The following KCNQ2 variants were observed in gnomAD, a reference collection of about 807,000 sequenced individuals.
KCNQ2 encodes the protein potassium voltage-gated channel subfamily Q member 2, also known as potassium voltage-gated channel subfamily KQT member 2.
KCNQ2 carries 14 observed loss-of-function variants against 84.8 expected under a neutral mutation model. The observed-to-expected ratio is 0.17, with a 90% CI of 0.11 to 0.26. KCNQ2 has a LOEUF of 0.26. Ranked by LOEUF, KCNQ2 falls within the 10% of genes least tolerant of loss-of-function variation. KCNQ2 has a pLI of 1.00. For missense variants in KCNQ2, 788 were observed against 1,254.0 expected (o/e 0.63, Z 5.61); for synonymous variants, 599 against 554.1 (o/e 1.08, Z -1.14).
At chr20:63,431,470 G>A (rs2080785874) in intron 8 of KCNQ2, 101 bp from the exon 9 acceptor site, 4 of 1,320,090 alleles carry the variant, frequency 3.0e-6, no homozygotes, top group African/African-American at 2.9e-5. Context: ...GGAAAGTAGG[G>A]GAAACAACAG....
At chr20:63,469,305 A>T (rs967792518) in intron 1 of KCNQ2, among the ~76,000 whole-genome samples, 1 of 152,212 alleles carries the variant, frequency 6.6e-6, no homozygotes, top group Non-Finnish European at 1.5e-5. Flanking sequence ...CCAGGCAGAG[A>T]GCAGGTCTGA....
At chr20:63,416,214 T>C (rs1042271014) in intron 12 of KCNQ2, among the ~76,000 whole-genome samples, 8 of 152,104 alleles carry the variant, frequency 5.3e-5, no homozygotes, top group Non-Finnish European at 7.4e-5. Context: ...CCCCTCGGCC[T>C]GCGAGGCGTG....
In KCNQ2 at chr20:63,413,689, C is replaced by G; in HGVS notation, c.1632-108G>C. ...ACCTCGGCGCCTGGAGATGGCTGGA[C>G]TTGCCCCTCTTGTCTGCCGCCCACC... is the stretch of plus-strand genomic sequence containing the variant. On this transcript the variant is annotated intron_variant, in intron 14 of 16. Coordinates refer to ENST00000359125, the MANE Select transcript of KCNQ2 (RefSeq NM_172107.4). The G allele has an allele frequency of 1.6e-6, 2 of 1,266,328 alleles. 1 individual carries two copies. Among genetic ancestry groups the G allele is most frequent in the South Asian group, 2.5e-5 (2 of 80,998 alleles). 78.4% of individuals were successfully genotyped at this position (1,266,328 alleles called of 1,614,324 possible).
intron 3 of KCNQ2, 99 bp from the exon 4 acceptor site, chr20:63,444,933 G>C: frequency 7.5e-7 from 1 of 1,328,232 alleles, no homozygotes; most frequent in South Asian, 1.5e-5. Flanking sequence ...GTGCAGAGGG[G>C]CGGGAAGGTG....
At chr20:63,412,799 T>G (rs2080160313) in intron 15 of KCNQ2, among the ~76,000 whole-genome samples, 1 of 152,192 alleles carries the variant, frequency 6.6e-6, no homozygotes, top group African/African-American at 2.4e-5. Flanking sequence ...TGTCCCCTAC[T>G]GCAGGAGAGA....
intron 15 of KCNQ2, among the ~76,000 whole-genome samples, chr20:63,411,313 A>C (rs1290353450): frequency 6.6e-6 from 1 of 152,142 alleles, no homozygotes; most frequent in Non-Finnish European, 1.5e-5. Flanking sequence ...TGGGCCGTGC[A>C]CGTGGCCAGG....
rs2145736709 is a variant in KCNQ2 at position 63,442,523 on chromosome 20, G to A, written c.699C>T (p.Val233=). 1 of 1,613,226 alleles carries A rather than the reference G, an allele frequency of 6.2e-7. No individual in the cohort carries two copies. The highest frequency in any genetic ancestry group is 8.5e-7 in the Non-Finnish European group (1 of 1,179,832). The part of the protein sequence containing the change: ...SVVYAHSKEL[V]TAWYIGFLCL... ...AAAGGAAGCCGATGTACCAGGCAGT[G>A]ACCAGCTCCTGAGAGGCAGACGGCA... The change falls in exon 5 of 17, where the codon GTC becomes GTT. Residue 233 remains valine, a synonymous_variant. Coordinates refer to ENST00000359125, the MANE Select transcript of KCNQ2 (RefSeq NM_172107.4).
At chr20:63,443,915 T>A (rs1375907845) in intron 4 of KCNQ2, among the ~76,000 whole-genome samples, 1 of 151,642 alleles carries the variant, frequency 6.6e-6, no homozygotes, top group Non-Finnish European at 1.5e-5. Flanking sequence ...GGCTGGAGAA[T>A]CTTGGGACTG....
chr20:63,445,431 C>G, intron 2 of KCNQ2, 67 bp from the exon 3 acceptor site: 1 of 1,582,908 alleles, frequency 6.3e-7, no homozygotes. Flanking sequence ...AGCCTGGACA[C>G]CCACAGGAGC....
At chr20:63,445,455 G>C in intron 2 of KCNQ2, 91 bp from the exon 3 acceptor site, 2 of 1,483,016 alleles carry the variant, frequency 1.3e-6, no homozygotes, top group Non-Finnish European at 1.9e-6. Flanking sequence ...TCTGGCCCAG[G>C]GACCAAGCCA....
rs2079845908 is a variant in KCNQ2 at position 63,403,269 on chromosome 20, TCAC to T, written c.*3372_*3374del. 6.6e-6 allele frequency: 1 copy of T among 152,210 alleles called. No individual in the cohort carries two copies. The highest frequency in any genetic ancestry group is 6.5e-5 in the Admixed American group (1 of 15,270). 9.4% of individuals were successfully genotyped at this position (152,210 alleles called of 1,614,324 possible). On this transcript the variant is annotated 3_prime_UTR_variant, in exon 17 of 17. Transcript: ENST00000359125. The stretch of plus-strand genomic sequence containing the variant: ...CACGACGGCGCTTGACATTCCAGCA[TCAC>T]CACGACCCCTAAAGCCACAATTACT...
In KCNQ2 at chr20:63,472,390, A is replaced by T; in HGVS notation, c.74T>A (p.Val25Glu). Reference sequence around the variant, plus strand: ...GTCGGGCGCGCCGGGGTCCAGCCCCACGAAGCCCACCTTCAGCTTCTTCTC... The same window carrying T: ...GTCGGGCGCGCCGGGGTCCAGCCCCTCGAAGCCCACCTTCAGCTTCTTCTC... Reference protein sequence around the residue: ...SGEKKLKVGFVGLDPGAPDST... With the variant: ...SGEKKLKVGFEGLDPGAPDST... Residue 25 changes from valine (V) to glutamate (E), a missense_variant, in exon 1 of 17, where the codon GTG becomes GAG. By Grantham distance (121) the Val-to-Glu change is moderately radical. Transcript: ENST00000359125. The T allele has an allele frequency of 6.5e-7, 1 of 1,536,926 alleles. No homozygotes were observed. Among genetic ancestry groups the T allele is most frequent in the East Asian group, 2.5e-5 (1 of 39,626 alleles).
Position 63,431,555 on chromosome 20 carries a change from G to A in KCNQ2, c.1119-186C>T, listed in dbSNP as rs904732547. On this transcript the variant is annotated intron_variant, in intron 8 of 16. Transcript: ENST00000359125. ...GAGAGGTCACTTTGCAGAAACAAGG[G>A]CATGGCCGACATTCCCAGGAAAGAC... Among the ~76,000 whole-genome samples the A allele has an allele frequency of 4.6e-5, 7 of 152,206 alleles. No individual in the cohort carries two copies. In the East Asian group the frequency reaches 1.4e-3, roughly 29 times the overall value.
Position 63,402,152 on chromosome 20 carries a change from G to A in KCNQ2, c.*4492C>T, listed in dbSNP as rs1378195933. 3.4e-5 allele frequency: 5 copies of A among 148,316 alleles called. No homozygotes were observed. Among genetic ancestry groups the A allele is most frequent in the Admixed American group, 7.6e-5 (1 of 13,148 alleles). 9.2% of individuals were successfully genotyped at this position (148,316 alleles called of 1,614,324 possible). A position where few individuals can be genotyped will look rare whatever the true frequency, so the allele number is the denominator to read the frequency against. ...GCACCCTCCACCAGGTCCAAGTCTC[G>A]TGAGCCGTTCCTCTCACACCACGTC... On this transcript the variant is annotated 3_prime_UTR_variant, in exon 17 of 17. Transcript: ENST00000359125.
At position 63,442,518 on chromosome 20, in the gene KCNQ2, G is replaced by C; in HGVS notation, c.704C>G (p.Ala235Gly). ...GAGACAAAGGAAGCCGATGTACCAG[G>C]CAGTGACCAGCTCCTGAGAGGCAGA... is the stretch of plus-strand genomic sequence containing the variant. ...VYAHSKELVT[A>G]WYIGFLCLIL... Residue 235 changes from alanine (A) to glycine (G), a missense_variant, in exon 5 of 17, where the codon GCC (alanine) becomes GGC (glycine). Ala to Gly is a moderately conservative substitution (Grantham distance 60, BLOSUM62 0). Coordinates refer to ENST00000359125, the MANE Select transcript of KCNQ2 (RefSeq NM_172107.4). 6.2e-7 allele frequency: 1 copy of C among 1,613,274 alleles called. No individual in the cohort carries two copies. The highest frequency in any genetic ancestry group is 8.5e-7 in the Non-Finnish European group (1 of 1,179,856).
At chr20:63,427,878 T>C (rs1268158210) in intron 10 of KCNQ2, among the ~76,000 whole-genome samples, 1 of 152,212 alleles carries the variant, frequency 6.6e-6, no homozygotes, top group Non-Finnish European at 1.5e-5. Flanking sequence ...GGGACGGCTC[T>C]GGGCCTGGGC....
rs761068406 is a variant in KCNQ2, at chr20:63,406,875, C to T, written c.2388G>A (p.Glu796=). ...TSISIPSVDH[E]ELERSFSGFS... is the part of the protein sequence containing the mutation. ...AGCCGCTGAAGGAACGCTCCAGCTC[C>T]TCGTGGTCCACGGACGGGATGGAGA... The change falls in exon 17 of 17, where the codon GAG becomes GAA. Residue 796 remains glutamate, a synonymous_variant. Transcript: ENST00000359125. 1.2e-6 allele frequency: 2 copies of T among 1,612,226 alleles called. No individual in the cohort carries two copies. The highest frequency in any genetic ancestry group is 1.7e-6 in the Non-Finnish European group (2 of 1,179,740).
At chr20:63,445,413 G>C (rs776773725) in intron 2 of KCNQ2, 49 bp from the exon 3 acceptor site, 1 of 1,605,682 alleles carries the variant, frequency 6.2e-7, no homozygotes, top group Non-Finnish European at 8.5e-7. Context: ...GGGAGGGCCT[G>C]GGGGCCCAGC....
chr20:63,434,050 G>T, intron 7 of KCNQ2, 147 bp from the exon 8 acceptor site: 1 of 662,274 alleles, frequency 1.5e-6, no homozygotes. Context: ...CCAGGCCCCA[G>T]TGCTGCATCA....
Sources: allele counts gnomAD v4.1 joint callset (sites outside exome capture counted in the v4.1 genomes callset), GRCh38; gene constraint gnomAD v4.1.1; transcripts MANE v1.5; gene names NCBI Gene and HGNC (gene_info 2026-07-23, HGNC 2026-07-21).